PHF14: variants seen among roughly 807,000 people sequenced by gnomAD.
PHF14 encodes the protein PHD finger protein 14.
Under a neutral mutation model 117.9 loss-of-function variants are expected in PHF14, and 55 were observed. The ratio of observed to expected loss-of-function variants is 0.47; its 90% CI spans 0.38 to 0.58. The LOEUF (loss-of-function observed/expected upper bound fraction) is 0.58, where lower values mean the gene tolerates loss of function less well. Ranked by LOEUF, PHF14 falls within the 20% of genes least tolerant of loss-of-function variation. PHF14 has a pLI of 0.00. For synonymous variants in PHF14, 409 were observed against 368.6 expected (o/e 1.11, Z -1.26); for missense variants, 978 against 1,122.2 (o/e 0.87, Z 1.84).
intron 4 of PHF14, among the ~76,000 whole-genome samples, chr7:10,996,321 G>A (rs1043534659): frequency 6.6e-6 from 1 of 152,150 alleles, no homozygotes; most frequent in Admixed American, 6.5e-5. Flanking sequence ...TAAGATGTTA[G>A]GACTAGAAAT....
At chr7:11,137,485 A>C (rs1383705701) in intron 17 of PHF14, among the ~76,000 whole-genome samples, 1 of 151,966 alleles carries the variant, frequency 6.6e-6, no homozygotes, top group Non-Finnish European at 1.5e-5. Context: ...CTGGAACTGC[A>C]GTTTTAATAG....
At chr7:11,139,694 T>G (rs933463076) in intron 17 of PHF14, among the ~76,000 whole-genome samples, 4 of 152,184 alleles carry the variant, frequency 2.6e-5, no homozygotes, top group Non-Finnish European at 5.9e-5. Flanking sequence ...TGTCAGTCAT[T>G]TACCTTGGTT....
At chr7:10,989,908 C>T (rs185587782) in intron 3 of PHF14, among the ~76,000 whole-genome samples, 9 of 152,150 alleles carry the variant, frequency 5.9e-5, no homozygotes, top group South Asian at 2.1e-4. Context: ...TTGGGATTAC[C>T]GGTGTGAGCC....
chr7:10,992,325 A>T (rs1337595116), intron 4 of PHF14, among the ~76,000 whole-genome samples: 1 of 146,542 alleles, frequency 6.8e-6, no homozygotes, highest in East Asian at 2.3e-4. Flanking sequence ...AAGTGCTGGG[A>T]TTACAGGCAT....
intron 4 of PHF14, among the ~76,000 whole-genome samples, chr7:11,000,304 T>C (rs76037354): frequency 0.01 from 1,552 of 151,570 alleles, 28 homozygotes; most frequent in African/African-American, 0.035. Flanking sequence ...TGTTGTATGA[T>C]GTGGAGTATC....
chr7:10,995,836 G>A (rs557200996), intron 4 of PHF14, among the ~76,000 whole-genome samples: 9 of 152,178 alleles, frequency 5.9e-5, no homozygotes, highest in Admixed American at 1.3e-4. Context: ...TGCCCGCCAA[G>A]CCCATGCCCA....
At chr7:11,069,029 G>A (rs1785520159) in intron 16 of PHF14, among the ~76,000 whole-genome samples, 1 of 152,110 alleles carries the variant, frequency 6.6e-6, no homozygotes, top group African/African-American at 2.4e-5. Context: ...AGAGTTTAGA[G>A]CTGCCAGGTG....
chr7:10,975,928 C>T (rs189114113), intron 2 of PHF14, among the ~76,000 whole-genome samples: 3 of 152,112 alleles, frequency 2.0e-5, no homozygotes, highest in African/African-American at 7.2e-5. Context: ...ATTACTGTTG[C>T]TACTTTTAGT....
At chr7:10,991,240 G>C (rs1782436831) in intron 4 of PHF14, among the ~76,000 whole-genome samples, 1 of 151,976 alleles carries the variant, frequency 6.6e-6, no homozygotes, top group African/African-American at 2.4e-5. Context: ...GAGTGCAGTG[G>C]TGCTATCTTA....
intron 14 of PHF14, among the ~76,000 whole-genome samples, chr7:11,054,989 A>G (rs1193530188): frequency 6.6e-6 from 1 of 152,084 alleles, no homozygotes; most frequent in Non-Finnish European, 1.5e-5. Flanking sequence ...ACATACCCCA[A>G]GCTCATGGAC....
chr7:11,068,838 T>C (rs1349192106), intron 16 of PHF14, among the ~76,000 whole-genome samples: 1 of 152,146 alleles, frequency 6.6e-6, no homozygotes, highest in Non-Finnish European at 1.5e-5. Flanking sequence ...GTTGCATCTT[T>C]CAATTTATGA....
chr7:11,037,637 G>A (rs9986755), intron 10 of PHF14, among the ~76,000 whole-genome samples: 1 of 151,948 alleles, frequency 6.6e-6, no homozygotes, highest in Admixed American at 6.6e-5. Flanking sequence ...CCTCTTCATC[G>A]TAATGAGAAA....
At chr7:10,977,452 G>A (rs1408015183) in intron 2 of PHF14, among the ~76,000 whole-genome samples, 2 of 151,900 alleles carry the variant, frequency 1.3e-5, no homozygotes, top group African/African-American at 2.4e-5. Flanking sequence ...TTATATTTCT[G>A]TTTGGTTTTA....
At chr7:11,053,318 T>G (rs1376902636) in intron 14 of PHF14, among the ~76,000 whole-genome samples, 1 of 152,102 alleles carries the variant, frequency 6.6e-6, no homozygotes, top group African/African-American at 2.4e-5. Context: ...TCTTTATCTC[T>G]TAGATAATTG....
intron 16 of PHF14, among the ~76,000 whole-genome samples, chr7:11,081,172 C>T (rs778649872): frequency 2.6e-5 from 4 of 151,790 alleles, no homozygotes; most frequent in East Asian, 1.9e-4. Context: ...GTTTGGAAAA[C>T]GAGATAAGCA....
At chr7:11,134,855 A>G (rs1788174431) in intron 17 of PHF14, among the ~76,000 whole-genome samples, 3 of 152,154 alleles carry the variant, frequency 2.0e-5, no homozygotes, top group African/African-American at 7.2e-5. Context: ...ACAATGAATA[A>G]TTCAGTAGAG....
At chr7:11,006,648 G>C in intron 4 of PHF14, 1 of 617,518 alleles carries the variant, frequency 1.6e-6, no homozygotes, top group Non-Finnish European at 3.1e-6. Flanking sequence ...CTTGATGATG[G>C]TATAGTAGTC....
At chr7:11,103,848 A>G (rs1368350208) in intron 16 of PHF14, 2 of 981,192 alleles carry the variant, frequency 2.0e-6, no homozygotes, top group African/African-American at 1.8e-5. Flanking sequence ...TAAACAGATT[A>G]TTAGCTTATT....
intron 10 of PHF14, 104 bp from the exon 11 acceptor site, chr7:11,038,656 C>CAAAA: frequency 4.8e-6 from 1 of 210,394 alleles, no homozygotes; most frequent in Non-Finnish European, 8.1e-6. Context: ...GACTCTGTCT[C>CAAAA]AAAAAAAAAA....
Sources: allele counts gnomAD v4.1 joint callset (sites outside exome capture counted in the v4.1 genomes callset), GRCh38; gene constraint gnomAD v4.1.1; transcripts MANE v1.5; gene names NCBI Gene and HGNC (gene_info 2026-07-23, HGNC 2026-07-21).